ARHGAP26: variants seen among roughly 807,000 people sequenced by gnomAD.
The protein encoded by ARHGAP26 is Rho GTPase activating protein 26.
A neutral mutation model predicts 104.8 loss-of-function variants in ARHGAP26; 38 were observed. The ratio of observed to expected loss-of-function variants is 0.36; its 90% confidence interval spans 0.28 to 0.48. The LOEUF (loss-of-function observed/expected upper bound fraction) is 0.48, where lower values mean the gene tolerates loss of function less well. ARHGAP26 is among the 20% of genes least tolerant of loss of function. The probability of loss-of-function intolerance (pLI) is 0.99; values close to 1 mark genes in which losing one functional copy is unlikely to be tolerated. For synonymous variants in ARHGAP26, 341 were observed against 340.0 expected (o/e 1.00, Z -0.03); for missense variants, 704 against 947.9 (o/e 0.74, Z 3.38).
At chr5:142,833,974 G>T (rs1253608495) in intron 1 of ARHGAP26, among the ~76,000 whole-genome samples, 5 of 152,178 alleles carry the variant, frequency 3.3e-5, no homozygotes, top group Non-Finnish European at 7.4e-5. Context: ...TGGCAAGAAA[G>T]AAACATACTC....
At position 142,873,400 on chromosome 5, in the gene ARHGAP26, A is replaced by G; in HGVS notation, c.155A>G (p.Asn52Ser). The G allele has an allele frequency of 6.3e-7, 1 of 1,590,954 alleles. No individual in the cohort carries two copies. The highest frequency in any genetic ancestry group is 8.5e-7 in the Non-Finnish European group (1 of 1,173,688). The change falls in exon 2 of 23, where the codon AAT becomes AGT. Residue 52 changes from asparagine (N) to serine (S), a missense_variant and splice_region_variant. Asn to Ser is a conservative substitution (Grantham distance 46). Coordinates refer to ENST00000645722, the MANE Select transcript of ARHGAP26 (RefSeq NM_001135608.3). ...DGKSLISALK[N>S]LSSAKRKFAD... ...ATTTTTCCTGTCTTTTTCTTGCTAG[A>G]TTTGTCTTCAGCGAAGCGGAAGTTT...
At chr5:143,195,640 A>C (rs556929019) in intron 20 of ARHGAP26, among the ~76,000 whole-genome samples, 1 of 152,356 alleles carries the variant, frequency 6.6e-6, no homozygotes, top group South Asian at 2.1e-4. Context: ...TAAAAGAGTC[A>C]ACATAATTTC....
At chr5:142,989,556 G>C (rs1015554325) in intron 11 of ARHGAP26, among the ~76,000 whole-genome samples, 1 of 152,188 alleles carries the variant, frequency 6.6e-6, no homozygotes, top group African/African-American at 2.4e-5. Flanking sequence ...AGTTGATACA[G>C]TTTCTTCCTA....
Position 143,224,168 on chromosome 5 carries a change from G to A in ARHGAP26, c.*1722G>A, listed in dbSNP as rs1018251076. 1.3e-5 allele frequency: 3 copies of A among 229,476 alleles called. No individual in the cohort carries two copies. The highest frequency in any genetic ancestry group is 6.7e-5 in the African/African-American group (3 of 45,006). 14.2% of individuals were successfully genotyped at this position (229,476 alleles called of 1,614,324 possible). A position where few individuals can be genotyped will look rare whatever the true frequency, so the allele number is the denominator to read the frequency against. On this transcript the variant is annotated 3_prime_UTR_variant, in exon 23 of 23. Coordinates refer to ENST00000645722, the MANE Select transcript of ARHGAP26 (RefSeq NM_001135608.3). ...GTGATTTGAAATACTATATGGCAAAGTTTTATATTTGATATTCTTTAAGTT... is the reference window on the plus strand; with the variant it reads ...GTGATTTGAAATACTATATGGCAAAATTTTATATTTGATATTCTTTAAGTT...
intron 11 of ARHGAP26, among the ~76,000 whole-genome samples, chr5:142,981,404 A>C (rs1019683943): frequency 6.6e-6 from 1 of 152,218 alleles, no homozygotes; most frequent in Non-Finnish European, 1.5e-5. Context: ...AACAACACAC[A>C]AACACAAAAT....
At chr5:143,183,713 G>C (rs115871725) in intron 20 of ARHGAP26, among the ~76,000 whole-genome samples, 2 of 152,220 alleles carry the variant, frequency 1.3e-5, no homozygotes, top group Non-Finnish European at 2.9e-5. Context: ...GGGCGAAGGC[G>C]TACCAGGGGA....
At chr5:142,934,546 A>G (rs936591175) in intron 11 of ARHGAP26, among the ~76,000 whole-genome samples, 2 of 152,188 alleles carry the variant, frequency 1.3e-5, no homozygotes, top group Admixed American at 6.5e-5. Flanking sequence ...ATTACTAGAG[A>G]TATATGTCCA....
At chr5:143,208,954 A>G (rs1487051976) in intron 21 of ARHGAP26, among the ~76,000 whole-genome samples, 3 of 152,230 alleles carry the variant, frequency 2.0e-5, no homozygotes, top group Non-Finnish European at 4.4e-5. Flanking sequence ...CAGAAATAGC[A>G]TAGATTATTC....
chr5:142,948,875 C>T (rs1443777116), intron 11 of ARHGAP26, among the ~76,000 whole-genome samples: 1 of 151,878 alleles, frequency 6.6e-6, no homozygotes, highest in African/African-American at 2.4e-5. Flanking sequence ...GAGGCCTAGG[C>T]GGATGGATCA....
chr5:143,120,876 G>C (rs185068815), intron 17 of ARHGAP26, 112 bp from the exon 18 acceptor site: 2 of 1,061,782 alleles, frequency 1.9e-6, no homozygotes, highest in Non-Finnish European at 2.6e-6. Context: ...CCAAGTTCTG[G>C]CTCCTACAGA....
At chr5:143,107,521 C>T (rs1190295686) in intron 17 of ARHGAP26, among the ~76,000 whole-genome samples, 1 of 152,178 alleles carries the variant, frequency 6.6e-6, no homozygotes, top group African/African-American at 2.4e-5. Flanking sequence ...TTCTGTTGAG[C>T]CAGGCAAAGC....
intron 5 of ARHGAP26, among the ~76,000 whole-genome samples, chr5:142,893,393 C>T (rs1197320281): frequency 1.3e-5 from 2 of 152,170 alleles, no homozygotes; most frequent in Admixed American, 6.5e-5. Context: ...TGTGCCTTCA[C>T]TTGACATAAT....
At chr5:143,117,598 A>G (rs1275484746) in intron 17 of ARHGAP26, among the ~76,000 whole-genome samples, 1 of 152,230 alleles carries the variant, frequency 6.6e-6, no homozygotes, top group Non-Finnish European at 1.5e-5. Context: ...GTTCTAAAAT[A>G]ACATGGATCA....
At position 143,054,420 on chromosome 5, in the gene ARHGAP26, T is replaced by A; in HGVS notation, c.1286-19T>A. 6.3e-7 allele frequency: 1 copy of A among 1,582,512 alleles called. No individual in the cohort carries two copies. Among genetic ancestry groups the A allele is most frequent in the Non-Finnish European group, 8.6e-7 (1 of 1,157,652 alleles). ...CCATTTTATGCTGTGCTTTATGTATTGTCTTTTCTTCATTTTAGACCCCAA... is the reference window on the plus strand; with the variant it reads ...CCATTTTATGCTGTGCTTTATGTATAGTCTTTTCTTCATTTTAGACCCCAA... On this transcript the variant is annotated intron_variant, in intron 14 of 22. Transcript: ENST00000645722.
chr5:142,956,077 T>G (rs1769183478), intron 11 of ARHGAP26, among the ~76,000 whole-genome samples: 1 of 152,242 alleles, frequency 6.6e-6, no homozygotes, highest in Non-Finnish European at 1.5e-5. Flanking sequence ...GCATTGGTAT[T>G]AAGCATAATT....
At chr5:142,975,214 A>G (rs1772888543) in intron 11 of ARHGAP26, among the ~76,000 whole-genome samples, 1 of 152,188 alleles carries the variant, frequency 6.6e-6, no homozygotes, top group African/African-American at 2.4e-5. Flanking sequence ...GGACTTGGAA[A>G]AGCTGCTCAC....
At chr5:143,114,744 GTC>G (rs1339514300) in intron 17 of ARHGAP26, among the ~76,000 whole-genome samples, 1 of 152,194 alleles carries the variant, frequency 6.6e-6, no homozygotes, top group East Asian at 1.9e-4. Context: ...CCAGCCCCTA[GTC>G]CTAAGGTATT....
chr5:142,801,612 GT>G (rs76073855), intron 1 of ARHGAP26, among the ~76,000 whole-genome samples: 336 of 140,970 alleles, frequency 2.4e-3, no homozygotes, highest in Middle Eastern at 3.7e-3. Flanking sequence ...TTAGTAGAGG[GT>G]TTTTTTTTTT....
At chr5:142,928,400 A>G (rs1764232576) in intron 10 of ARHGAP26, among the ~76,000 whole-genome samples, 1 of 152,158 alleles carries the variant, frequency 6.6e-6, no homozygotes, top group Non-Finnish European at 1.5e-5. Flanking sequence ...GTAAGCCCTC[A>G]TATTTATGAA....
Sources: gnomAD v4.1 joint callset for allele counts (sites outside exome capture counted in the v4.1 genomes callset) on GRCh38, gnomAD v4.1.1 for gene constraint, MANE v1.5 for transcripts, NCBI Gene and HGNC (gene_info 2026-07-23, HGNC 2026-07-21) for gene names.